The following IP6K3 variants were observed in gnomAD, a reference collection of about 807,000 sequenced individuals.
IP6K3 encodes inositol hexakisphosphate kinase 3, also known as ATP:1D-myo-inositol-hexakisphosphate phosphotransferase.
A neutral mutation model predicts 28.8 loss-of-function variants in IP6K3; 20 were observed. The ratio of observed to expected loss-of-function variants is 0.70; its 90% confidence interval spans 0.49 to 1.01. IP6K3 has a LOEUF of 1.01. Among genes scored for constraint, IP6K3 ranks in the 50% least tolerant of loss-of-function variants. The probability of loss-of-function intolerance (pLI) is 0.00; values close to 1 mark genes in which losing one functional copy is unlikely to be tolerated. For missense variants in IP6K3, 480 were observed against 537.1 expected, an observed-to-expected ratio of 0.89 and a Z score of 1.05; for synonymous variants, 213 against 221.3, an observed-to-expected ratio of 0.96 and a Z score of 0.33.
Position 33,744,558 on chromosome 6 carries a change from T to G in IP6K3, c.-180+2200A>C, listed in dbSNP as rs917971935. Among the ~76,000 whole-genome samples the G allele has an allele frequency of 3.3e-5, 5 of 151,706 alleles. No homozygotes were observed. The highest frequency in any genetic ancestry group is 7.4e-5 in the Non-Finnish European group (5 of 67,916). On this transcript the variant is annotated intron_variant, in intron 1 of 5. Transcript: ENST00000293756. This position sits in a 1 kb window ranked among gnomAD's most constrained non-coding sequence, Gnocchi z 4.4. Reference sequence around the variant, plus strand: ...TGGCTGAGGGAGAATGCAGGCAAGGTTTTTCCCCACCAGAGGGCAGCAGCA... The same window carrying G: ...TGGCTGAGGGAGAATGCAGGCAAGGGTTTTCCCCACCAGAGGGCAGCAGCA...
rs11403411 is a variant in IP6K3 at position 33,741,645 on chromosome 6, C to CAAA, written c.-180+5110_-180+5112dup. Among the ~76,000 whole-genome samples the CAAA allele has an allele frequency of 4.9e-3, 144 of 29,372 alleles. 23 individuals carry two copies. Among genetic ancestry groups the CAAA allele is most frequent in the African/African-American group, 0.015 (84 of 5,758 alleles). 19.3% of individuals were successfully genotyped at this position (29,372 alleles called of 152,430 possible). A position where few individuals can be genotyped will look rare whatever the true frequency, so the allele number is the denominator to read the frequency against. ...TGGGCAACAGAGCGAGACTCCATCT[C>CAAA]AAAAAAAAAAAAAAAAAAAAAAAAA... On this transcript the variant is annotated intron_variant, in intron 1 of 5. Coordinates refer to ENST00000293756, the MANE Select transcript of IP6K3 (RefSeq NM_054111.5).
Position 33,746,723 on chromosome 6 carries a change from G to A in IP6K3, c.-180+35C>T, listed in dbSNP as rs1582233409. 1 of 152,416 alleles carries A rather than the reference G, an allele frequency of 6.6e-6. No homozygotes were observed. The highest frequency in any genetic ancestry group is 2.1e-4 in the South Asian group (1 of 4,830). The allele number at this position is 152,416 out of a possible 1,614,324, so 9.4% of individuals were successfully genotyped here. A position where few individuals can be genotyped will look rare whatever the true frequency, so the allele number is the denominator to read the frequency against. On this transcript the variant is annotated intron_variant, in intron 1 of 5. Transcript: ENST00000293756. The surrounding 1 kb of genome is among the most constrained non-coding windows in gnomAD (Gnocchi z 6.5). ...CAGTCAGGCCCCGTCAAAGAGGCTG[G>A]CCCTGCCCATCCCTGCCTACAAGGC...
At chr6:33,736,602 C>T (rs1211009803) in intron 1 of IP6K3, among the ~76,000 whole-genome samples, 3 of 152,112 alleles carry the variant, frequency 2.0e-5, no homozygotes, top group South Asian at 2.1e-4. Flanking sequence ...GACAGGGTTT[C>T]GCCATGTTGG....
chr6:33,754,379 A>AG, the IP6K3 span, among the ~76,000 whole-genome samples: 2 of 152,244 alleles, frequency 1.3e-5, no homozygotes, highest in East Asian at 3.9e-4. Context: ...ATGATAGCCT[A>AG]GGGGGCGGCC....
At chr6:33,726,079 G>C (rs1307051570) in intron 4 of IP6K3, among the ~76,000 whole-genome samples, 2 of 152,210 alleles carry the variant, frequency 1.3e-5, no homozygotes, top group Non-Finnish European at 2.9e-5. Flanking sequence ...AAGCTTCTTA[G>C]GGATTAGGAT....
At chr6:33,723,214 G>A (rs760159608) in intron 5 of IP6K3, 27 bp from the exon 6 acceptor site, 7 of 1,454,824 alleles carry the variant, frequency 4.8e-6, no homozygotes, top group East Asian at 4.6e-5. Flanking sequence ...TAAAGAAAAT[G>A]TGAAGATTGG....
chr6:33,741,171 G>A (rs1766706061), intron 1 of IP6K3, among the ~76,000 whole-genome samples: 1 of 152,208 alleles, frequency 6.6e-6, no homozygotes, highest in African/African-American at 2.4e-5. Flanking sequence ...TGTGGCCTCT[G>A]TCAGTAGGGT....
chr6:33,751,722 G>A (rs767001169), upstream of IP6K3, among the ~76,000 whole-genome samples: 7 of 152,154 alleles, frequency 4.6e-5, no homozygotes, highest in East Asian at 7.7e-4. This position sits in a 1 kb window ranked among gnomAD's most constrained non-coding sequence, Gnocchi z 4.3. Flanking sequence ...TGGCCTAGCC[G>A]GGATTTGAAT....
In IP6K3 at chr6:33,735,483, A is replaced by C; in HGVS notation, c.-7T>G. ...CGCTGTTTTGCACAACCATGGCGGCAGATGGTGGTGGTGGGGGGTCCCTGC... is the reference window on the plus strand; with the variant it reads ...CGCTGTTTTGCACAACCATGGCGGCCGATGGTGGTGGTGGGGGGTCCCTGC... On this transcript the variant is annotated 5_prime_UTR_variant, in exon 2 of 6. Transcript: ENST00000293756. 1 of 1,606,880 alleles carries C rather than the reference A, an allele frequency of 6.2e-7. No individual in the cohort carries two copies. The highest frequency in any genetic ancestry group is 1.3e-5 in the African/African-American group (1 of 75,040).
chr6:33,760,467 G>A, the IP6K3 span, among the ~76,000 whole-genome samples: 3 of 152,322 alleles, frequency 2.0e-5, no homozygotes, highest in Non-Finnish European at 4.4e-5. Flanking sequence ...GTGGAGGGGC[G>A]TGAGTCTGTT....
At chr6:33,752,789 C>T in the IP6K3 span, among the ~76,000 whole-genome samples, 1 of 152,134 alleles carries the variant, frequency 6.6e-6, no homozygotes, top group Non-Finnish European at 1.5e-5. Flanking sequence ...TATGGCTGGG[C>T]GTCTTAACCT....
upstream of IP6K3, among the ~76,000 whole-genome samples, chr6:33,747,350 A>G (rs16869464): frequency 0.11 from 16,463 of 152,206 alleles, 1,158 homozygotes; most frequent in African/African-American, 0.19. The surrounding 1 kb of genome is among the most constrained non-coding windows in gnomAD (Gnocchi z 5.2). Context: ...ACGTTCCATC[A>G]GTCAACAGTC....
At chr6:33,745,797 G>C (rs1397674736) in intron 1 of IP6K3, among the ~76,000 whole-genome samples, 1 of 152,146 alleles carries the variant, frequency 6.6e-6, no homozygotes, top group East Asian at 1.9e-4. Flanking sequence ...GCAGGGGAGA[G>C]GCGTGCTGTG....
chr6:33,737,779 C>T, intron 1 of IP6K3, among the ~76,000 whole-genome samples: 1 of 118,944 alleles, frequency 8.4e-6, no homozygotes, highest in Non-Finnish European at 1.9e-5. Context: ...ACTGGGTGAA[C>T]CGGGGCTGCT....
In IP6K3 at chr6:33,728,125, C is replaced by T; in HGVS notation, c.375G>A (p.Gln125=). The change falls in exon 3 of 6, where the codon CAG becomes CAA. Residue 125 remains glutamine (Q), a synonymous_variant. Transcript: ENST00000293756. ...AGCGTGCCAGCTGGGCATGCGGCCA[C>T]TGGGCAAGGGTGCAGTCGCTGCCAT... ...GSNGSDCTLA[Q]WPHAQLARSP... is the part of the protein sequence containing the mutation. 1 of 1,608,906 alleles carries T rather than the reference C, an allele frequency of 6.2e-7. No homozygotes were observed. The highest frequency in any genetic ancestry group is 1.3e-5 in the African/African-American group (1 of 75,054).
the IP6K3 span, among the ~76,000 whole-genome samples, chr6:33,754,740 G>A: frequency 6.6e-6 from 1 of 152,230 alleles, no homozygotes; most frequent in Non-Finnish European, 1.5e-5. Flanking sequence ...TGAGGGGACT[G>A]GGAAGACCCA....
chr6:33,735,562 G>A lies in IP6K3; in HGVS notation c.-86C>T, dbSNP rs544565597. The A allele has an allele frequency of 5.8e-6, 9 of 1,540,220 alleles. No individual in the cohort carries two copies. Among genetic ancestry groups the A allele is most frequent in the East Asian group, 4.7e-5 (2 of 42,308 alleles). On this transcript the variant is annotated 5_prime_UTR_variant, in exon 2 of 6. Coordinates refer to ENST00000293756, the MANE Select transcript of IP6K3 (RefSeq NM_054111.5). The stretch of plus-strand genomic sequence containing the variant: ...GAAAGGGCAGCTCCCAACAGCACAC[G>A]GGGCTGTCAGCGGTCCTCAACTTTC...
chr6:33,752,710 C>T, the IP6K3 span, among the ~76,000 whole-genome samples: 7 of 152,176 alleles, frequency 4.6e-5, no homozygotes, highest in Non-Finnish European at 1.0e-4. Context: ...GCACAGAATC[C>T]AGGCTGGACT....
intron 5 of IP6K3, 40 bp downstream of exon 5, chr6:33,725,401 C>T: frequency 6.4e-7 from 1 of 1,573,060 alleles, no homozygotes. Flanking sequence ...CGTGGACGTG[C>T]CGGGATGTCC....
Sources: gnomAD v4.1 joint callset for allele counts (sites outside exome capture counted in the v4.1 genomes callset) on GRCh38, gnomAD v4.1.1 for gene constraint, Gnocchi (gnomAD v3.1) non-coding constraint, MANE v1.5 for transcripts, NCBI Gene and HGNC (gene_info 2026-07-23, HGNC 2026-07-21) for gene names.